Variants in ATP10B observed in about 807,000 individuals in gnomAD.
ATP10B encodes the protein ATPase phospholipid transporting 10B (putative).
ATP10B carries 122 observed loss-of-function variants against 141.2 expected under a neutral mutation model. The observed-to-expected ratio is 0.86, with a 90% CI of 0.75 to 1.00. The LOEUF (loss-of-function observed/expected upper bound fraction) is 1.00. Among genes scored for constraint, ATP10B ranks in the 50% least tolerant of loss-of-function variants. The pLI is 0.00. For synonymous variants in ATP10B, 685 were observed against 692.0 expected (o/e 0.99, Z 0.16); for missense variants, 1,876 against 1,825.3 (o/e 1.03, Z -0.51).
intron 2 of ATP10B, among the ~76,000 whole-genome samples, chr5:160,743,300 C>T (rs765171188): frequency 4.6e-5 from 7 of 152,180 alleles, no homozygotes; most frequent in Middle Eastern, 3.4e-3. Flanking sequence ...TTAAGCCCTT[C>T]GGAAATTAAG....
At chr5:160,893,470 G>A in the ATP10B span, among the ~76,000 whole-genome samples, 2 of 152,166 alleles carry the variant, frequency 1.3e-5, no homozygotes, top group Non-Finnish European at 2.9e-5. Context: ...GCGATGCATA[G>A]CCACTGTAGC....
At chr5:160,664,261 A>C (rs1228357663) in intron 7 of ATP10B, among the ~76,000 whole-genome samples, 1 of 152,188 alleles carries the variant, frequency 6.6e-6, no homozygotes, top group East Asian at 1.9e-4. Context: ...ATAGGTTGCT[A>C]CCTTTTGCTT....
intron 24 of ATP10B, among the ~76,000 whole-genome samples, chr5:160,571,899 C>G (rs753171185): frequency 1.5e-4 from 23 of 152,126 alleles, no homozygotes; most frequent in Non-Finnish European, 3.1e-4. Flanking sequence ...TCTTTGCAGT[C>G]CCAGCTGGGG....
At chr5:160,885,283 A>G in the ATP10B span, among the ~76,000 whole-genome samples, 4 of 152,224 alleles carry the variant, frequency 2.6e-5, no homozygotes, top group Non-Finnish European at 5.9e-5. Context: ...GGATGCAAGG[A>G]GCACACTGTG....
chr5:160,745,587 G>A (rs957518768), intron 2 of ATP10B, among the ~76,000 whole-genome samples: 10 of 152,222 alleles, frequency 6.6e-5, no homozygotes, highest in African/African-American at 2.2e-4. Flanking sequence ...ATCTGGATCT[G>A]TAGCCTGATT....
the ATP10B span, among the ~76,000 whole-genome samples, chr5:160,889,231 A>C: frequency 6.6e-6 from 1 of 152,158 alleles, no homozygotes; most frequent in African/African-American, 2.4e-5. Flanking sequence ...TCCTCATTGA[A>C]TAGATGTTCC....
At chr5:160,609,658 G>A (rs563153778) in intron 18 of ATP10B, among the ~76,000 whole-genome samples, 5 of 152,310 alleles carry the variant, frequency 3.3e-5, no homozygotes, top group Admixed American at 1.3e-4. Context: ...GATTACAGGC[G>A]TGAGTCACTG....
At chr5:160,791,466 A>T (rs1732838300) in intron 1 of ATP10B, among the ~76,000 whole-genome samples, 1 of 152,142 alleles carries the variant, frequency 6.6e-6, no homozygotes, top group South Asian at 2.1e-4. Context: ...ACCTAAAGTC[A>T]TCCTTTTGGC....
At chr5:160,877,001 CAGAA>C in the ATP10B span, among the ~76,000 whole-genome samples, 2 of 149,094 alleles carry the variant, frequency 1.3e-5, no homozygotes, top group African/African-American at 4.9e-5. Context: ...TTCCAATCAA[CAGAA>C]AAAGAGGGAA....
chr5:160,662,104 T>C (rs1343811940), intron 7 of ATP10B, among the ~76,000 whole-genome samples: 2 of 152,096 alleles, frequency 1.3e-5, no homozygotes, highest in African/African-American at 4.8e-5. Flanking sequence ...TGAAGGAACT[T>C]TTCAAGGAGA....
chr5:160,852,937 TA>T (rs1753881975), upstream of ATP10B, among the ~76,000 whole-genome samples: 1 of 152,088 alleles, frequency 6.6e-6, no homozygotes, highest in Admixed American at 6.6e-5. Flanking sequence ...AACTTAGGAA[TA>T]AAAGGTGTTG....
chr5:160,802,195 C>T (rs1772420777), intron 1 of ATP10B, among the ~76,000 whole-genome samples: 1 of 152,102 alleles, frequency 6.6e-6, no homozygotes, highest in East Asian at 1.9e-4. Context: ...GGCATAAAAG[C>T]CTAACATAAG....
chr5:160,708,680 G>C (rs1389143446), intron 3 of ATP10B, among the ~76,000 whole-genome samples: 1 of 152,072 alleles, frequency 6.6e-6, no homozygotes, highest in East Asian at 1.9e-4. Flanking sequence ...AATATCACAG[G>C]GTATAAATTG....
intron 12 of ATP10B, chr5:160,633,740 G>C (rs1363219272): frequency 3.8e-5 from 6 of 156,428 alleles, no homozygotes; most frequent in Middle Eastern, 3.1e-3. Context: ...AAGTGTGTGT[G>C]TGTGTTGTGG....
intron 2 of ATP10B, among the ~76,000 whole-genome samples, chr5:160,749,979 C>T (rs554757177): frequency 1.2e-4 from 18 of 152,312 alleles, no homozygotes; most frequent in South Asian, 4.1e-4. Context: ...CGATTACCAA[C>T]GGTGAAATTA....
intron 19 of ATP10B, 139 bp from the exon 20 acceptor site, chr5:160,604,180 T>A: frequency 1.5e-6 from 1 of 654,386 alleles, no homozygotes; most frequent in Non-Finnish European, 2.7e-6. Context: ...ATTGCTATAG[T>A]GCTTAGCTTG....
intron 25 of ATP10B, among the ~76,000 whole-genome samples, chr5:160,567,406 G>C (rs1754609142): frequency 6.6e-6 from 1 of 152,162 alleles, no homozygotes; most frequent in African/African-American, 2.4e-5. Flanking sequence ...TTTCTTCCTT[G>C]AGGAAATGCC....
intron 7 of ATP10B, among the ~76,000 whole-genome samples, chr5:160,667,758 T>C (rs1285424775): frequency 6.6e-6 from 1 of 152,124 alleles, no homozygotes; most frequent in Admixed American, 6.5e-5. Flanking sequence ...TCTGACTAAT[T>C]AATATGCAAA....
rs72818570 is a variant in ATP10B at position 160,733,631 on chromosome 5, A to T, written c.-330-16597T>A. Among the ~76,000 whole-genome samples the T allele has an allele frequency of 6.1e-3, 920 of 152,002 alleles. 7 individuals carry two copies. Among genetic ancestry groups the T allele is most frequent in the Non-Finnish European group, 6.9e-3 (469 of 67,954 alleles). ...TATGTCACACATATATTACACATAT[A>T]TGTAACACATATGTGTAACACATAT... On this transcript the variant is annotated intron_variant, in intron 2 of 25. Coordinates refer to ENST00000327245, the MANE Select transcript of ATP10B (RefSeq NM_025153.3).
Sources: gnomAD v4.1 joint callset for allele counts (sites outside exome capture counted in the v4.1 genomes callset) on GRCh38, gnomAD v4.1.1 for gene constraint, MANE v1.5 for transcripts, NCBI Gene and HGNC (gene_info 2026-07-23, HGNC 2026-07-21) for gene names.